Variants in TMEM178B observed in about 807,000 individuals in gnomAD.
TMEM178B encodes the protein transmembrane protein 178B.
Under a neutral mutation model 31.0 loss-of-function variants are expected in TMEM178B, and 5 were observed. That is an observed-to-expected ratio of 0.16 (90% CI 0.08 to 0.34). TMEM178B has a LOEUF of 0.34. TMEM178B is among the 10% of genes least tolerant of loss of function. The pLI is 1.00. For missense variants in TMEM178B, 275 were observed against 400.3 expected (o/e 0.69, Z 2.67); for synonymous variants, 164 against 164.0 (o/e 1.00, Z 0.00).
chr7:141,259,180 A>G (rs1257313489), intron 2 of TMEM178B, among the ~76,000 whole-genome samples: 3 of 152,104 alleles, frequency 2.0e-5, no homozygotes, highest in East Asian at 1.9e-4. Context: ...CATGATTTCT[A>G]TTGTCCTATC....
chr7:141,468,652 G>T (rs946398779), intron 3 of TMEM178B, among the ~76,000 whole-genome samples: 1 of 152,228 alleles, frequency 6.6e-6, no homozygotes, highest in Non-Finnish European at 1.5e-5. Flanking sequence ...TAGTGAGGCA[G>T]TGTCACTGTC....
chr7:141,375,543 A>G (rs1334367190), intron 2 of TMEM178B, among the ~76,000 whole-genome samples: 1 of 152,182 alleles, frequency 6.6e-6, no homozygotes, highest in African/African-American at 2.4e-5. Flanking sequence ...CCTGTTTCTT[A>G]TTATAGTAGT....
At chr7:141,110,969 T>C (rs922277901) in intron 1 of TMEM178B, among the ~76,000 whole-genome samples, 6 of 152,216 alleles carry the variant, frequency 3.9e-5, no homozygotes, top group Non-Finnish European at 7.4e-5. Context: ...AACCAAATGC[T>C]GCTGGAACCT....
rs368344890 is a variant in TMEM178B at position 141,094,178 on chromosome 7, A to G, written c.382+19486A>G. Among the ~76,000 whole-genome samples the G allele has an allele frequency of 1.5e-4, 22 of 151,252 alleles. 1 individual carries two copies. The highest frequency in any genetic ancestry group is 5.4e-4 in the African/African-American group (22 of 40,692). On this transcript the variant is annotated intron_variant, in intron 1 of 3. Coordinates refer to ENST00000565468, the MANE Select transcript of TMEM178B (RefSeq NM_001195278.2). ...GGGTTGAAGTAGGAAGGAAGGTGGG[A>G]AAAAAAAGATGGAAGGAAATGAACA...
intron 2 of TMEM178B, among the ~76,000 whole-genome samples, chr7:141,296,360 A>G (rs1461067010): frequency 6.6e-6 from 1 of 152,102 alleles, no homozygotes; most frequent in African/African-American, 2.4e-5. Flanking sequence ...GAGCCACTGC[A>G]CCCGGCCAGG....
chr7:141,147,036 C>A (rs1795863900), intron 1 of TMEM178B, among the ~76,000 whole-genome samples: 1 of 152,094 alleles, frequency 6.6e-6, no homozygotes, highest in African/African-American at 2.4e-5. Context: ...TTGGTTGTGT[C>A]TTTAGTAATG....
chr7:141,127,246 A>C (rs1795513458), intron 1 of TMEM178B, among the ~76,000 whole-genome samples: 1 of 152,210 alleles, frequency 6.6e-6, no homozygotes, highest in South Asian at 2.1e-4. Context: ...GTTTTTAAAA[A>C]GAATATTTGG....
intron 2 of TMEM178B, among the ~76,000 whole-genome samples, chr7:141,275,711 T>G (rs1358606537): frequency 2.0e-5 from 3 of 152,220 alleles, no homozygotes; most frequent in Non-Finnish European, 4.4e-5. Flanking sequence ...TTTCTTTAAT[T>G]TCATTATAAG....
intron 3 of TMEM178B, among the ~76,000 whole-genome samples, chr7:141,446,919 C>T (rs1343947741): frequency 1.3e-5 from 2 of 152,086 alleles, no homozygotes; most frequent in Non-Finnish European, 2.9e-5. Context: ...CTGCCCTGAG[C>T]AGCATCATCC....
intron 3 of TMEM178B, among the ~76,000 whole-genome samples, chr7:141,441,981 C>T (rs1801669119): frequency 6.6e-6 from 1 of 152,150 alleles, no homozygotes; most frequent in Admixed American, 6.5e-5. Flanking sequence ...TTTGGCAGGG[C>T]CTTCAGGGGA....
At position 141,461,055 on chromosome 7, in the gene TMEM178B, T is replaced by C. The variant is rs67502351; in HGVS notation, c.635-9481T>C. Among the ~76,000 whole-genome samples the C allele has an allele frequency of 0.25, 37,656 of 152,204 alleles. 5,038 individuals carry two copies. The highest frequency in any genetic ancestry group is 0.33 in the African/African-American group (13,677 of 41,518). On this transcript the variant is annotated intron_variant, in intron 3 of 3. Transcript: ENST00000565468. The surrounding 1 kb of genome is among the most constrained non-coding windows in gnomAD (Gnocchi z 4.0). ...CTAAATGCGGCTGAAGCATTTAATC[T>C]AAGCAAAGGCAGGGTTTTGTATCAT...
chr7:141,216,020 C>T (rs577734987), intron 2 of TMEM178B, among the ~76,000 whole-genome samples: 2 of 149,348 alleles, frequency 1.3e-5, no homozygotes, highest in African/African-American at 2.5e-5. Context: ...CAGTAGAGAC[C>T]GGATTTCACC....
At chr7:141,377,385 C>T (rs1278882236) in intron 2 of TMEM178B, among the ~76,000 whole-genome samples, 4 of 151,916 alleles carry the variant, frequency 2.6e-5, no homozygotes, top group African/African-American at 9.6e-5. Context: ...GGTTTCACCA[C>T]GTTGGCCGGC....
chr7:141,119,124 A>G (rs1795369527), intron 1 of TMEM178B, among the ~76,000 whole-genome samples: 1 of 152,202 alleles, frequency 6.6e-6, no homozygotes, highest in Non-Finnish European at 1.5e-5. Context: ...TGAGCAGGTT[A>G]GTGCTGGGGG....
intron 2 of TMEM178B, among the ~76,000 whole-genome samples, chr7:141,396,709 A>G (rs530312548): frequency 3.3e-5 from 5 of 152,352 alleles, no homozygotes; most frequent in African/African-American, 9.6e-5. Flanking sequence ...AACAAGACAC[A>G]GACAGTGGGC....
intron 3 of TMEM178B, among the ~76,000 whole-genome samples, chr7:141,442,310 A>G (rs1214978027): frequency 1.3e-5 from 2 of 152,100 alleles, no homozygotes; most frequent in African/African-American, 2.4e-5. Context: ...GTCTAGGCTA[A>G]TGCTGGAGCC....
In TMEM178B at chr7:141,475,506, C is replaced by A. The variant is rs1359132957; in HGVS notation, c.*4720C>A. The A allele has an allele frequency of 3.3e-5, 5 of 152,154 alleles. No homozygotes were observed. Among genetic ancestry groups the A allele is most frequent in the Non-Finnish European group, 7.3e-5 (5 of 68,030 alleles). The allele number at this position is 152,154 out of a possible 1,614,324, so 9.4% of individuals were successfully genotyped here. ...TAATCCAGTCACTCTGAGGCATCTA[C>A]CGCGGGCCCAATCCAAATGGTCATG... On this transcript the variant is annotated 3_prime_UTR_variant, in exon 4 of 4. Transcript: ENST00000565468.
chr7:141,189,479 G>A (rs750848233), intron 1 of TMEM178B, among the ~76,000 whole-genome samples: 2 of 152,216 alleles, frequency 1.3e-5, no homozygotes, highest in Non-Finnish European at 2.9e-5. Context: ...CTGGCAGCCA[G>A]GGACCAAGCC....
chr7:141,157,443 G>GCACA (rs927252197), intron 1 of TMEM178B, among the ~76,000 whole-genome samples: 12 of 150,302 alleles, frequency 8.0e-5, no homozygotes, highest in African/African-American at 3.0e-4. Context: ...ACACACACAC[G>GCACA]CACACACACA....
Sources: gnomAD v4.1 joint callset for allele counts (sites outside exome capture counted in the v4.1 genomes callset) on GRCh38, gnomAD v4.1.1 for gene constraint, Gnocchi (gnomAD v3.1) non-coding constraint, MANE v1.5 for transcripts, NCBI Gene and HGNC (gene_info 2026-07-23, HGNC 2026-07-21) for gene names.